The following PTPRN2 variants were observed in gnomAD, a reference collection of about 807,000 sequenced individuals.
PTPRN2 encodes receptor-type tyrosine-protein phosphatase N2.
A neutral mutation model predicts 118.8 loss-of-function variants in PTPRN2; 74 were observed. The observed-to-expected ratio is 0.62, with a 90% CI of 0.52 to 0.76. The LOEUF (loss-of-function observed/expected upper bound fraction) is 0.76. PTPRN2 is among the 30% of genes least tolerant of loss of function. The probability of loss-of-function intolerance (pLI) is 0.00; values close to 1 mark genes in which losing one functional copy is unlikely to be tolerated. For missense variants in PTPRN2, 1,481 were observed against 1,394.4 expected, an observed-to-expected ratio of 1.06 and a Z score of -0.99; for synonymous variants, 641 against 608.0, an observed-to-expected ratio of 1.05 and a Z score of -0.80.
chr7:157,833,002 G>A (rs1807670675), intron 12 of PTPRN2, among the ~76,000 whole-genome samples: 1 of 152,338 alleles, frequency 6.6e-6, no homozygotes, highest in African/African-American at 2.4e-5. Context: ...ACTCGTCCAG[G>A]AGCGAGATGT....
intron 12 of PTPRN2, chr7:157,739,516 T>G (rs1383849834): frequency 1.3e-5 from 2 of 152,094 alleles, no homozygotes; most frequent in Non-Finnish European, 2.9e-5. Context: ...AAATTGAGGG[T>G]AGTATCTTGG....
intron 1 of PTPRN2, 60 bp downstream of exon 1, chr7:158,587,498 C>G (rs1334535301): frequency 8.8e-7 from 1 of 1,130,304 alleles, no homozygotes; most frequent in Non-Finnish European, 1.1e-6. Flanking sequence ...GGAGGCGCCC[C>G]TCTCACAACG....
chr7:158,541,548 T>C (rs762413092), intron 1 of PTPRN2: 1 of 1,352,062 alleles, frequency 7.4e-7, no homozygotes, highest in South Asian at 1.1e-5. Flanking sequence ...ACAGAACATC[T>C]TCATAGTAGG....
chr7:157,575,287 T>C (rs1211391865), intron 19 of PTPRN2, among the ~76,000 whole-genome samples: 1 of 152,260 alleles, frequency 6.6e-6, no homozygotes, highest in Non-Finnish European at 1.5e-5. Flanking sequence ...CTACATAGTA[T>C]GTCTTTAGAA....
chr7:157,989,838 G>C (rs897192637), intron 11 of PTPRN2, among the ~76,000 whole-genome samples: 1 of 152,054 alleles, frequency 6.6e-6, no homozygotes, highest in Non-Finnish European at 1.5e-5. Context: ...CCAATCCCCC[G>C]CCTGCTGGCT....
At chr7:157,710,736 C>A (rs1798569261) in intron 12 of PTPRN2, among the ~76,000 whole-genome samples, 1 of 151,662 alleles carries the variant, frequency 6.6e-6, no homozygotes, top group Non-Finnish European at 1.5e-5. Context: ...CACAGGTGCC[C>A]TTGCGCCTGG....
intron 11 of PTPRN2, among the ~76,000 whole-genome samples, chr7:157,938,853 G>A (rs1010723564): frequency 5.3e-5 from 8 of 152,284 alleles, no homozygotes; most frequent in African/African-American, 1.7e-4. Flanking sequence ...TAAATCTACC[G>A]GAGTGGCCCA....
rs760512961 is a variant in PTPRN2, at chr7:157,626,387, G to A, written c.2197-4878C>T. On this transcript the variant is annotated intron_variant, in intron 14 of 22. Transcript: ENST00000389418. ...AAGACTGCTTCTCAGCCTTTGCCCC[G>A]TCCCCACCGCCATCCTTCTCTACAT... 5.9e-4 allele frequency among the ~76,000 whole-genome samples: 90 copies of A among 152,062 alleles called. 1 individual carries two copies. The highest frequency in any genetic ancestry group is 1.0e-3 in the Non-Finnish European group (71 of 68,010).
chr7:157,807,887 G>A (rs1406815529), intron 12 of PTPRN2, among the ~76,000 whole-genome samples: 4 of 152,226 alleles, frequency 2.6e-5, no homozygotes, highest in Admixed American at 6.5e-5. Flanking sequence ...GGATGTTTAC[G>A]TGGGTTACCC....
Position 158,517,561 on chromosome 7 carries a change from C to A in PTPRN2, c.113-27776G>T, listed in dbSNP as rs1480335323. Reference sequence around the variant, plus strand: ...CCTCGCTGCCCCTCTGCAATCTCCTCCAACAGCCGCCAGGATCATCTTTAC... The same window carrying A: ...CCTCGCTGCCCCTCTGCAATCTCCTACAACAGCCGCCAGGATCATCTTTAC... On this transcript the variant is annotated intron_variant, in intron 1 of 22. Transcript: ENST00000389418. This position sits in a 1 kb window ranked among gnomAD's most constrained non-coding sequence, Gnocchi z 5.3. Among the ~76,000 whole-genome samples, 1 of 152,144 alleles carries A rather than the reference C, an allele frequency of 6.6e-6. No individual in the cohort carries two copies. The highest frequency in any genetic ancestry group is 2.1e-4 in the South Asian group (1 of 4,824).
chr7:158,567,376 C>T (rs1827726409), intron 1 of PTPRN2, among the ~76,000 whole-genome samples: 1 of 152,180 alleles, frequency 6.6e-6, no homozygotes, highest in Non-Finnish European at 1.5e-5. Flanking sequence ...GCCGTGCCTG[C>T]GATTGCATTT....
chr7:158,239,021 G>A (rs1193059620), intron 3 of PTPRN2, among the ~76,000 whole-genome samples: 1 of 152,190 alleles, frequency 6.6e-6, no homozygotes, highest in Non-Finnish European at 1.5e-5. Flanking sequence ...GAGGGCCGTG[G>A]AGGGGAGCGG....
chr7:158,478,469 G>A (rs1220829845), intron 2 of PTPRN2, among the ~76,000 whole-genome samples: 1 of 152,208 alleles, frequency 6.6e-6, no homozygotes, highest in African/African-American at 2.4e-5. Flanking sequence ...GGAGGCAGAG[G>A]CCCGCTCTGC....
At chr7:157,916,921 C>T (rs545286818) in intron 11 of PTPRN2, among the ~76,000 whole-genome samples, 1 of 129,174 alleles carries the variant, frequency 7.7e-6, no homozygotes, top group South Asian at 2.9e-4. Flanking sequence ...CCACGCACCC[C>T]GGCCACTCCG....
At chr7:158,441,333 A>G (rs1189797700) in intron 2 of PTPRN2, among the ~76,000 whole-genome samples, 35 of 130,020 alleles carry the variant, frequency 2.7e-4, no homozygotes, top group Non-Finnish European at 5.5e-4. Context: ...GGTGATGGTG[A>G]TGGTGATCAG....
chr7:157,923,190 C>T (rs992193602), intron 11 of PTPRN2, among the ~76,000 whole-genome samples: 36 of 152,224 alleles, frequency 2.4e-4, no homozygotes, highest in Admixed American at 1.2e-3. Flanking sequence ...TTCCACTGGG[C>T]CTTTTTATTC....
chr7:158,149,779 G>T (rs181116891), intron 6 of PTPRN2, among the ~76,000 whole-genome samples: 258 of 147,920 alleles, frequency 1.7e-3, no homozygotes, highest in African/African-American at 6.0e-3. Flanking sequence ...ACTCCAGCCT[G>T]AGTGACAGAG....
rs1264589285 is a variant in PTPRN2, at chr7:157,977,548, G to A, written c.1724-78811C>T. ...GGTGGGATGACGTGAGTGTGTTCATGGAGTAGTGTACAAGGCCCCAGGTGG... is the reference window on the plus strand; with the variant it reads ...GGTGGGATGACGTGAGTGTGTTCATAGAGTAGTGTACAAGGCCCCAGGTGG... On this transcript the variant is annotated intron_variant, in intron 11 of 22. Transcript: ENST00000389418. This position sits in a 1 kb window ranked among gnomAD's most constrained non-coding sequence, Gnocchi z 4.6. 6.6e-6 allele frequency among the ~76,000 whole-genome samples: 1 copy of A among 151,720 alleles called. No individual in the cohort carries two copies. Among genetic ancestry groups the A allele is most frequent in the African/African-American group, 2.4e-5 (1 of 41,298 alleles).
chr7:158,331,349 T>A (rs62480883), intron 2 of PTPRN2, among the ~76,000 whole-genome samples: 358 of 110,942 alleles, frequency 3.2e-3, no homozygotes, highest in Non-Finnish European at 4.0e-3. Flanking sequence ...ACACCCATAC[T>A]CTCACCATAA....
Sources: allele counts gnomAD v4.1 joint callset (sites outside exome capture counted in the v4.1 genomes callset), GRCh38; gene constraint gnomAD v4.1.1; non-coding constraint Gnocchi (gnomAD v3.1); transcripts MANE v1.5; gene names NCBI Gene and HGNC (gene_info 2026-07-23, HGNC 2026-07-21).